SUGCT: variants seen among roughly 807,000 people sequenced by gnomAD.
SUGCT encodes the protein succinyl-CoA:glutarate-CoA transferase.
A neutral mutation model predicts 55.0 loss-of-function variants in SUGCT; 41 were observed. That is an observed-to-expected ratio of 0.74 (90% confidence interval 0.58 to 0.97). The LOEUF (loss-of-function observed/expected upper bound fraction) is 0.97. SUGCT is among the 50% of genes least tolerant of loss of function. The pLI is 0.00. For missense variants in SUGCT, 568 were observed against 547.8 expected (o/e 1.04, Z -0.37); for synonymous variants, 187 against 200.4 (o/e 0.93, Z 0.56).
chr7:40,393,515 G>A lies in SUGCT; in HGVS notation c.817-55772G>A, dbSNP rs139188300. Among the ~76,000 whole-genome samples the A allele has an allele frequency of 2.5e-3, 370 of 150,916 alleles. 5 individuals are homozygous for A. The highest frequency in any genetic ancestry group is 0.016 in the East Asian group (83 of 5,172). On this transcript the variant is annotated intron_variant, in intron 9 of 13. Transcript: ENST00000335693. Reference sequence around the variant, plus strand: ...TAGGGAATCCTTTTTCATGTATTGTGGATGATAAAGGGAGAAGATTAAGAG... The same window carrying A: ...TAGGGAATCCTTTTTCATGTATTGTAGATGATAAAGGGAGAAGATTAAGAG...
At chr7:40,730,209 G>A (rs985193887) in intron 12 of SUGCT, among the ~76,000 whole-genome samples, 1 of 152,200 alleles carries the variant, frequency 6.6e-6, no homozygotes, top group Non-Finnish European at 1.5e-5. Flanking sequence ...TCAGGTTCAA[G>A]TGATCCTCCT....
intron 9 of SUGCT, among the ~76,000 whole-genome samples, chr7:40,444,281 G>A (rs1335765745): frequency 1.3e-5 from 2 of 152,142 alleles, no homozygotes; most frequent in Admixed American, 6.5e-5. Flanking sequence ...TAGCTTGATG[G>A]GGATGGCATT....
At chr7:40,422,455 C>G (rs1787360222) in intron 9 of SUGCT, among the ~76,000 whole-genome samples, 1 of 152,088 alleles carries the variant, frequency 6.6e-6, no homozygotes, top group Non-Finnish European at 1.5e-5. Context: ...GCCTTCTCAT[C>G]CAGCCTCATT....
chr7:40,954,298 GA>G, the SUGCT span, among the ~76,000 whole-genome samples: 11 of 152,306 alleles, frequency 7.2e-5, no homozygotes, highest in Admixed American at 7.2e-4. Context: ...AAGACCATTG[GA>G]AAAGCACCAT....
At chr7:40,665,202 G>A (rs1318082075) in intron 12 of SUGCT, among the ~76,000 whole-genome samples, 3 of 151,808 alleles carry the variant, frequency 2.0e-5, no homozygotes, top group Non-Finnish European at 4.4e-5. Context: ...ATTTTGGGAG[G>A]CTGAGGCGGG....
At chr7:40,294,439 A>G (rs747416739) in intron 8 of SUGCT, among the ~76,000 whole-genome samples, 36 of 152,330 alleles carry the variant, frequency 2.4e-4, no homozygotes, top group Non-Finnish European at 4.4e-4. Context: ...TCCAATGGCC[A>G]TAGACATGAA....
At chr7:40,533,749 A>C (rs1197593467) in intron 12 of SUGCT, among the ~76,000 whole-genome samples, 1 of 152,162 alleles carries the variant, frequency 6.6e-6, no homozygotes, top group Non-Finnish European at 1.5e-5. Flanking sequence ...TAAAACATCT[A>C]GTGTTTTAAT....
At chr7:40,202,930 G>A (rs563637744) in intron 6 of SUGCT, among the ~76,000 whole-genome samples, 2 of 152,198 alleles carry the variant, frequency 1.3e-5, no homozygotes, top group Admixed American at 6.6e-5. Flanking sequence ...AGTTTATTCC[G>A]AACTCTTAGC....
the SUGCT span, among the ~76,000 whole-genome samples, chr7:40,947,928 T>A: frequency 6.6e-6 from 1 of 152,202 alleles, no homozygotes; most frequent in Non-Finnish European, 1.5e-5. Flanking sequence ...AGTGAGATTA[T>A]AAGAATAGCA....
the SUGCT span, among the ~76,000 whole-genome samples, chr7:40,956,791 G>A: frequency 1.3e-5 from 2 of 152,194 alleles, no homozygotes; most frequent in African/African-American, 2.4e-5. Context: ...TGCTTTTGCT[G>A]TGTCCCAGAA....
At chr7:40,346,085 T>C (rs1357938267) in intron 9 of SUGCT, among the ~76,000 whole-genome samples, 1 of 152,052 alleles carries the variant, frequency 6.6e-6, no homozygotes, top group Non-Finnish European at 1.5e-5. Context: ...AGAATAACCA[T>C]CCCTTTTCTA....
At chr7:40,544,910 A>G (rs930187349) in intron 12 of SUGCT, among the ~76,000 whole-genome samples, 4 of 152,154 alleles carry the variant, frequency 2.6e-5, no homozygotes, top group Admixed American at 1.3e-4. Flanking sequence ...GCTTACAAAA[A>G]CTAGTAAATA....
At chr7:40,216,759 GAC>G (rs1787682192) in intron 6 of SUGCT, among the ~76,000 whole-genome samples, 1 of 151,792 alleles carries the variant, frequency 6.6e-6, no homozygotes, top group Non-Finnish European at 1.5e-5. Context: ...TGGGGGCTGA[GAC>G]AGGAGAATCG....
the SUGCT span, among the ~76,000 whole-genome samples, chr7:41,038,199 TG>T: frequency 2.0e-5 from 3 of 152,158 alleles, no homozygotes; most frequent in Non-Finnish European, 4.4e-5. Flanking sequence ...ACCTCCTTTT[TG>T]CCCTCCTCTG....
At chr7:40,837,915 A>G (rs1793076713) in intron 13 of SUGCT, among the ~76,000 whole-genome samples, 1 of 152,140 alleles carries the variant, frequency 6.6e-6, no homozygotes, top group South Asian at 2.1e-4. Context: ...GGCCTGGCCT[A>G]TTTTGAGTTA....
At chr7:40,275,291 G>T (rs1792389798) in intron 8 of SUGCT, among the ~76,000 whole-genome samples, 1 of 152,056 alleles carries the variant, frequency 6.6e-6, no homozygotes, top group Non-Finnish European at 1.5e-5. Flanking sequence ...CCTTTTATGT[G>T]CCACGAACCC....
chr7:40,653,867 T>A (rs1422661276), intron 12 of SUGCT, among the ~76,000 whole-genome samples: 2 of 152,220 alleles, frequency 1.3e-5, no homozygotes, highest in Non-Finnish European at 2.9e-5. Context: ...TCTGTGGAAA[T>A]GATTTTGTTG....
chr7:40,902,579 C>CAA, the SUGCT span, among the ~76,000 whole-genome samples: 58,465 of 123,448 alleles, frequency 0.47, 14,890 homozygotes, highest in Non-Finnish European at 0.55. Context: ...GACTCCATCT[C>CAA]AAAAAAAAAA....
chr7:40,535,140 A>T (rs905163623), intron 12 of SUGCT, among the ~76,000 whole-genome samples: 3 of 152,114 alleles, frequency 2.0e-5, no homozygotes, highest in Non-Finnish European at 4.4e-5. Context: ...TGTATATATA[A>T]TATCACTTAT....
Sources: gnomAD v4.1 joint callset for allele counts (sites outside exome capture counted in the v4.1 genomes callset) on GRCh38, gnomAD v4.1.1 for gene constraint, MANE v1.5 for transcripts, NCBI Gene and HGNC (gene_info 2026-07-23, HGNC 2026-07-21) for gene names.